LRRC7: variants seen among roughly 807,000 people sequenced by gnomAD.
LRRC7 encodes leucine-rich repeat-containing protein 7.
Under a neutral mutation model 175.7 loss-of-function variants are expected in LRRC7, and 23 were observed. The ratio of observed to expected loss-of-function variants is 0.13; its 90% CI spans 0.09 to 0.19. The LOEUF (loss-of-function observed/expected upper bound fraction) is 0.19, where lower values mean the gene tolerates loss of function less well. Among genes scored for constraint, LRRC7 ranks in the 10% least tolerant of loss-of-function variants. LRRC7 has a pLI of 1.00. For missense variants in LRRC7, 1,354 were observed against 1,904.7 expected (o/e 0.71, Z 5.38); for synonymous variants, 685 against 680.9 (o/e 1.01, Z -0.09).
chr1:69,709,971 G>A (rs1371737499), intron 2 of LRRC7, among the ~76,000 whole-genome samples: 1 of 151,960 alleles, frequency 6.6e-6, no homozygotes, highest in African/African-American at 2.4e-5. Context: ...TTATGATAAT[G>A]GTAGGGATGA....
chr1:69,846,939 T>G (rs562765332), intron 7 of LRRC7, among the ~76,000 whole-genome samples: 10 of 152,222 alleles, frequency 6.6e-5, no homozygotes, highest in African/African-American at 2.4e-4. Flanking sequence ...AAATAATGTG[T>G]GATGCTAACG....
At position 70,025,094 on chromosome 1, in the gene LRRC7, A is replaced by T. The variant is rs1281473551; in HGVS notation, c.1794+1720A>T. On this transcript the variant is annotated intron_variant, in intron 17 of 26. Coordinates refer to ENST00000651989, the MANE Select transcript of LRRC7 (RefSeq NM_001370785.2). ...GGAGTCAAAAGACCTAAGTCTGAAT[A>T]TTGCATCTACTAGCTATGTAATCTT... Among the ~76,000 whole-genome samples the T allele has an allele frequency of 2.0e-5, 3 of 152,046 alleles. No homozygotes were observed. In the East Asian group the frequency reaches 5.8e-4, roughly 29 times the overall value.
chr1:69,868,401 A>G (rs1685161975), intron 7 of LRRC7, among the ~76,000 whole-genome samples: 1 of 152,102 alleles, frequency 6.6e-6, no homozygotes, highest in Non-Finnish European at 1.5e-5. Context: ...ATTTTAGGGT[A>G]AGGATAGGCT....
rs114174466 is a variant in LRRC7, at chr1:70,067,324, A to G, written c.4231-8753A>G. 3.3e-3 allele frequency among the ~76,000 whole-genome samples: 507 copies of G among 152,216 alleles called. 1 individual carries two copies. The highest frequency in any genetic ancestry group is 0.01 in the African/African-American group (419 of 41,568). On this transcript the variant is annotated intron_variant, in intron 23 of 26. Coordinates refer to ENST00000651989, the MANE Select transcript of LRRC7 (RefSeq NM_001370785.2). ...TGATATAAGATTTGAGACATAAGTC[A>G]AAGTTCATTTATTGTGCTTGTGGAT...
intron 2 of LRRC7, among the ~76,000 whole-genome samples, chr1:69,694,163 C>A (rs563454595): frequency 8.3e-4 from 126 of 152,318 alleles, no homozygotes; most frequent in African/African-American, 3.0e-3. Flanking sequence ...CTTGCCTCAT[C>A]TTGCTGCATT....
intron 17 of LRRC7, among the ~76,000 whole-genome samples, chr1:70,024,599 C>A (rs1326495549): frequency 1.3e-5 from 2 of 151,770 alleles, no homozygotes; most frequent in Non-Finnish European, 2.9e-5. Flanking sequence ...CACAGTTTTG[C>A]AAGAATATAA....
intron 7 of LRRC7, among the ~76,000 whole-genome samples, chr1:69,928,156 C>A (rs1647149782): frequency 6.6e-6 from 1 of 152,076 alleles, no homozygotes; most frequent in African/African-American, 2.4e-5. Flanking sequence ...TCTGATCGTT[C>A]CTCTGGAAGT....
intron 11 of LRRC7, among the ~76,000 whole-genome samples, chr1:70,010,179 A>G (rs1158298860): frequency 6.6e-6 from 1 of 152,236 alleles, no homozygotes; most frequent in Non-Finnish European, 1.5e-5. Flanking sequence ...ACACAAATCC[A>G]TTCTGACTTC....
In LRRC7 at chr1:70,141,234, T is replaced by A. The variant is rs1399893889; in HGVS notation, c.*19347T>A. 6.6e-6 allele frequency: 1 copy of A among 152,090 alleles called. No homozygotes were observed. The highest frequency in any genetic ancestry group is 2.4e-5 in the African/African-American group (1 of 41,412). The allele number at this position is 152,090 out of a possible 1,614,324, so 9.4% of individuals were successfully genotyped here. A position where few individuals can be genotyped will look rare whatever the true frequency, so the allele number is the denominator to read the frequency against. ...TCAGGGTTCAGGTACGAAAAGGGTA[T>A]GAAGCCTACTGAAAAATAAGGAAAT... is the stretch of plus-strand genomic sequence containing the variant. On this transcript the variant is annotated 3_prime_UTR_variant, in exon 27 of 27. Transcript: ENST00000651989.
At chr1:69,701,224 G>A (rs1164611202) in intron 2 of LRRC7, among the ~76,000 whole-genome samples, 1 of 152,162 alleles carries the variant, frequency 6.6e-6, no homozygotes, top group African/African-American at 2.4e-5. Flanking sequence ...GAACATATCA[G>A]TGAGAATACC....
At chr1:70,020,357 A>C (rs528093226) in intron 15 of LRRC7, among the ~76,000 whole-genome samples, 1 of 152,098 alleles carries the variant, frequency 6.6e-6, no homozygotes, top group South Asian at 2.1e-4. Flanking sequence ...TTCCCTGTTA[A>C]TTTGACATAT....
intron 24 of LRRC7, among the ~76,000 whole-genome samples, chr1:70,083,282 G>A (rs1187603489): frequency 1.3e-5 from 2 of 151,880 alleles, no homozygotes; most frequent in Admixed American, 6.6e-5. Context: ...CAGAAATTTT[G>A]GAAAATGCAG....
At chr1:69,846,476 G>C (rs1359002326) in intron 7 of LRRC7, among the ~76,000 whole-genome samples, 1 of 151,868 alleles carries the variant, frequency 6.6e-6, no homozygotes. Context: ...TAACAGTGAG[G>C]CTGAAAGCAC....
intron 1 of LRRC7, among the ~76,000 whole-genome samples, chr1:69,600,786 AG>A (rs1412235030): frequency 3.0e-5 from 4 of 135,124 alleles, no homozygotes; most frequent in African/African-American, 1.1e-4. Context: ...CATTTCTCCA[AG>A]GATCTCTGGT....
At chr1:70,030,700 A>G (rs1439790755) in intron 18 of LRRC7, among the ~76,000 whole-genome samples, 1 of 152,250 alleles carries the variant, frequency 6.6e-6, no homozygotes, top group Non-Finnish European at 1.5e-5. Flanking sequence ...ATGTGATTAA[A>G]TATAGAAAAC....
chr1:69,633,417 G>GTTATTTAT (rs138749873), intron 1 of LRRC7, among the ~76,000 whole-genome samples: 5 of 150,942 alleles, frequency 3.3e-5, no homozygotes, highest in South Asian at 2.1e-4. Context: ...AATTTTTTTT[G>GTTATTTAT]TTATTTATTT....
At chr1:69,802,394 C>A (rs1382465560) in intron 4 of LRRC7, among the ~76,000 whole-genome samples, 3 of 151,356 alleles carry the variant, frequency 2.0e-5, no homozygotes, top group African/African-American at 4.8e-5. Flanking sequence ...AATCTGGGCG[C>A]TCCAGTGGTG....
At chr1:70,095,518 C>A (rs373191217) in intron 25 of LRRC7, among the ~76,000 whole-genome samples, 13 of 152,284 alleles carry the variant, frequency 8.5e-5, no homozygotes, top group Non-Finnish European at 1.5e-4. Flanking sequence ...GAAATGTACT[C>A]TTCACACTCT....
At chr1:69,910,914 C>T (rs1046070228) in intron 7 of LRRC7, among the ~76,000 whole-genome samples, 10 of 152,222 alleles carry the variant, frequency 6.6e-5, no homozygotes, top group African/African-American at 2.2e-4. Flanking sequence ...GGTGCCCCTT[C>T]CCCAGCCTCG....
Sources: allele counts gnomAD v4.1 joint callset (sites outside exome capture counted in the v4.1 genomes callset), GRCh38; gene constraint gnomAD v4.1.1; transcripts MANE v1.5; gene names NCBI Gene and HGNC (gene_info 2026-07-23, HGNC 2026-07-21).